NXPE2: variants seen among roughly 807,000 people sequenced by gnomAD.
The protein encoded by NXPE2 is NXPE family member 2.
NXPE2 carries 34 observed loss-of-function variants against 34.4 expected under a neutral mutation model. The observed-to-expected ratio is 0.99, with a 90% CI of 0.75 to 1.31. The LOEUF (loss-of-function observed/expected upper bound fraction) is 1.31, where lower values mean the gene tolerates loss of function less well. Among genes scored for constraint, NXPE2 ranks in the 40% most tolerant of loss-of-function variants. The probability of loss-of-function intolerance (pLI) is 0.00; values close to 1 mark genes in which losing one functional copy is unlikely to be tolerated. For missense variants in NXPE2, 649 were observed against 672.5 expected, an observed-to-expected ratio of 0.97 and a Z score of 0.39; for synonymous variants, 235 against 231.3, an observed-to-expected ratio of 1.02 and a Z score of -0.15.
chr11:114,589,287 T>G, the NXPE2 span, among the ~76,000 whole-genome samples: 1 of 152,056 alleles, frequency 6.6e-6, no homozygotes, highest in African/African-American at 2.4e-5. Flanking sequence ...CTGGCTCCAG[T>G]GGCTCAAATT....
chr11:114,706,351 C>A, intron 5 of NXPE2, 44 bp from the exon 6 acceptor site: 1 of 1,437,642 alleles, frequency 7.0e-7, no homozygotes, highest in Non-Finnish European at 9.2e-7. Flanking sequence ...AAAGTTATAT[C>A]ATTTTCCTTT....
chr11:114,706,786 T>C lies in NXPE2; in HGVS notation c.1536T>C (p.Leu512=). ...ACTTTCATGGCTATATTCAGAATCT[T>C]ATCATAAGAGATATTTTTGTGGATC... is the stretch of plus-strand genomic sequence containing the variant. The part of the protein sequence containing the change: ...FSDFHGYIQN[L]IIRDIFVDLN... The change falls in exon 6 of 6, where the codon CTT becomes CTC. Residue 512 remains leucine (L), a synonymous_variant. Transcript: ENST00000389586. 1.9e-6 allele frequency: 3 copies of C among 1,552,414 alleles called. No homozygotes were observed. The highest frequency in any genetic ancestry group is 2.6e-6 in the Non-Finnish European group (3 of 1,147,094).
the NXPE2 span, among the ~76,000 whole-genome samples, chr11:114,631,955 T>C: frequency 2.7e-5 from 4 of 150,600 alleles, no homozygotes; most frequent in Non-Finnish European, 4.4e-5. Context: ...TGTAGGTAAC[T>C]ACTATTACGT....
At chr11:114,789,802 C>T in the NXPE2 span, among the ~76,000 whole-genome samples, 1 of 152,190 alleles carries the variant, frequency 6.6e-6, no homozygotes, top group Non-Finnish European at 1.5e-5. Context: ...TTACTCTCCT[C>T]ACATGACATC....
chr11:114,765,558 T>C, the NXPE2 span, among the ~76,000 whole-genome samples: 2 of 152,188 alleles, frequency 1.3e-5, no homozygotes, highest in South Asian at 4.1e-4. Context: ...TTTTTTTGTT[T>C]TATTGGGATG....
chr11:114,564,236 C>T, the NXPE2 span, among the ~76,000 whole-genome samples: 4 of 152,138 alleles, frequency 2.6e-5, no homozygotes, highest in Non-Finnish European at 5.9e-5. Context: ...TATGTTCTCA[C>T]TCATAAGTGG....
At chr11:114,534,068 G>A in the NXPE2 span, among the ~76,000 whole-genome samples, 1 of 152,150 alleles carries the variant, frequency 6.6e-6, no homozygotes, top group Non-Finnish European at 1.5e-5. Flanking sequence ...ACACTGCCGG[G>A]TACTCCTCTG....
chr11:114,708,723 C>T (rs1343218585), downstream of NXPE2, among the ~76,000 whole-genome samples: 1 of 152,146 alleles, frequency 6.6e-6, no homozygotes, highest in Non-Finnish European at 1.5e-5. Flanking sequence ...AAATAGGGAA[C>T]TCACGTTAGA....
chr11:114,780,963 C>T, the NXPE2 span, among the ~76,000 whole-genome samples: 5 of 152,174 alleles, frequency 3.3e-5, no homozygotes, highest in East Asian at 3.9e-4. Flanking sequence ...GGGAGTGCAG[C>T]GGCGTGAGGC....
the NXPE2 span, among the ~76,000 whole-genome samples, chr11:114,638,525 G>A: frequency 3.7e-4 from 56 of 152,102 alleles, 1 homozygote; most frequent in Admixed American, 5.9e-4. Flanking sequence ...TGTTCCTTTC[G>A]AGGAGGAGAG....
chr11:114,694,180 C>T (rs1259583250), intron 2 of NXPE2, among the ~76,000 whole-genome samples: 6 of 152,200 alleles, frequency 3.9e-5, no homozygotes, highest in African/African-American at 1.4e-4. Flanking sequence ...TTTGACTCAC[C>T]TGTATAATTT....
At chr11:114,624,109 G>A in the NXPE2 span, among the ~76,000 whole-genome samples, 9 of 151,682 alleles carry the variant, frequency 5.9e-5, no homozygotes, top group African/African-American at 1.7e-4. Flanking sequence ...GTTTTATGTC[G>A]TGGGTAACCA....
chr11:114,571,334 C>A, the NXPE2 span: 1 of 1,614,012 alleles, frequency 6.2e-7, no homozygotes, highest in Non-Finnish European at 8.5e-7. Flanking sequence ...TGAGGTACTC[C>A]ATCTCTTTGA....
At chr11:114,796,346 C>A in the NXPE2 span, among the ~76,000 whole-genome samples, 9 of 152,114 alleles carry the variant, frequency 5.9e-5, no homozygotes, top group African/African-American at 2.2e-4. Flanking sequence ...TTTCCAAAAC[C>A]AAGTTTTAAT....
chr11:114,687,031 T>C (rs1951060992), intron 2 of NXPE2, among the ~76,000 whole-genome samples: 1 of 152,056 alleles, frequency 6.6e-6, no homozygotes, highest in Non-Finnish European at 1.5e-5. Flanking sequence ...TTGAATACAT[T>C]GTTTGTAAAT....
chr11:114,724,004 C>G, the NXPE2 span, among the ~76,000 whole-genome samples: 1 of 152,160 alleles, frequency 6.6e-6, no homozygotes, highest in Non-Finnish European at 1.5e-5. Context: ...ATATCCTCTT[C>G]TTTTCTAGAG....
the NXPE2 span, among the ~76,000 whole-genome samples, chr11:114,553,197 C>T: frequency 6.6e-6 from 1 of 152,134 alleles, no homozygotes; most frequent in African/African-American, 2.4e-5. Context: ...CTTATAGTCT[C>T]GTATGCATAT....
chr11:114,477,285 C>T, the NXPE2 span, among the ~76,000 whole-genome samples: 1 of 152,000 alleles, frequency 6.6e-6, no homozygotes, highest in African/African-American at 2.4e-5. Context: ...CTCTGGAGAC[C>T]TATTGTAGAG....
chr11:114,568,527 C>T, the NXPE2 span, among the ~76,000 whole-genome samples: 1 of 150,432 alleles, frequency 6.6e-6, no homozygotes. Context: ...TTCATTCCCT[C>T]TTTCTTATTT....
Sources: gnomAD v4.1 joint callset for allele counts (sites outside exome capture counted in the v4.1 genomes callset) on GRCh38, gnomAD v4.1.1 for gene constraint, MANE v1.5 for transcripts, NCBI Gene and HGNC (gene_info 2026-07-23, HGNC 2026-07-21) for gene names.